The following DAB1 variants were observed in gnomAD, a reference collection of about 807,000 sequenced individuals.
The protein encoded by DAB1 is DAB adaptor protein 1.
A neutral mutation model predicts 64.6 loss-of-function variants in DAB1; 15 were observed. That is an observed-to-expected ratio of 0.23 (90% CI 0.16 to 0.36). The LOEUF is 0.36. Among genes scored for constraint, DAB1 ranks in the 10% least tolerant of loss-of-function variants. The pLI is 1.00. For missense variants in DAB1, 596 were observed against 706.7 expected, an observed-to-expected ratio of 0.84 and a Z score of 1.78; for synonymous variants, 235 against 251.9, an observed-to-expected ratio of 0.93 and a Z score of 0.64.
At chr1:58,290,028 C>A (rs1217374407) in intron 4 of DAB1, among the ~76,000 whole-genome samples, 1 of 152,222 alleles carries the variant, frequency 6.6e-6, no homozygotes, top group African/African-American at 2.4e-5. Flanking sequence ...TTTTAAGCTC[C>A]TATCATGTTC....
At chr1:58,536,812 C>T (rs1271473577) in intron 1 of DAB1, 1 of 769,468 alleles carries the variant, frequency 1.3e-6, no homozygotes, top group East Asian at 2.4e-5. Flanking sequence ...CAAATGCATA[C>T]ACTAGAATTT....
chr1:58,048,322 A>T (rs1647379630), intron 5 of DAB1: 5 of 1,119,106 alleles, frequency 4.5e-6, no homozygotes, highest in Non-Finnish European at 6.8e-6. Context: ...TGGGTCCAAA[A>T]TTTGAAAACT....
rs148672367 is a variant in DAB1, at chr1:57,167,224, C to T, written c.68-21795G>A. 7.7e-3 allele frequency among the ~76,000 whole-genome samples: 1,175 copies of T among 152,206 alleles called. 5 individuals carry two copies. The highest frequency in any genetic ancestry group is 0.011 in the Non-Finnish European group (781 of 68,010). ...AATTTGGTTCCATAATCATTACAAA[C>T]GAGACAGCCACAGCAAGACCACTAT... On this transcript the variant is annotated intron_variant, in intron 2 of 14. Coordinates refer to ENST00000371236, the MANE Select transcript of DAB1 (RefSeq NM_001365792.1).
chr1:57,269,550 T>G (rs1211820018), intron 2 of DAB1, among the ~76,000 whole-genome samples: 1 of 152,020 alleles, frequency 6.6e-6, no homozygotes, highest in African/African-American at 2.4e-5. Flanking sequence ...CCTACGTAGG[T>G]ATGTCCAGGG....
At chr1:57,627,974 G>C (rs1277107461) in intron 7 of DAB1, among the ~76,000 whole-genome samples, 1 of 152,162 alleles carries the variant, frequency 6.6e-6, no homozygotes, top group Admixed American at 6.5e-5. Context: ...TTCAGGCCCA[G>C]TTCAATTATT....
chr1:57,491,072 T>A lies in DAB1; in HGVS notation n.625+158520A>T, dbSNP rs1439747609. 4.6e-5 allele frequency among the ~76,000 whole-genome samples: 7 copies of A among 152,222 alleles called. No individual in the cohort carries two copies. In the East Asian group the frequency reaches 1.3e-3, roughly 29 times the overall value. On this transcript the variant is annotated intron_variant and non_coding_transcript_variant, in intron 7 of 20. Coordinates refer to the DAB1 transcript ENST00000485760. The stretch of plus-strand genomic sequence containing the variant: ...TCCCATCTCACTTCACATCTCTCTA[T>A]GAATTTGTAACTCATCTATCTTCAC...
chr1:57,841,900 T>A (rs930932582), intron 1 of DAB1, among the ~76,000 whole-genome samples: 10 of 152,242 alleles, frequency 6.6e-5, no homozygotes, highest in African/African-American at 1.7e-4. Flanking sequence ...TTATGTAAAT[T>A]TCTGCAGGCA....
At chr1:58,273,649 A>G (rs1429003898) in intron 4 of DAB1, among the ~76,000 whole-genome samples, 21 of 44,524 alleles carry the variant, frequency 4.7e-4, no homozygotes, top group African/African-American at 1.4e-3. Context: ...AGGTACACCA[A>G]TCAGACGTAG....
chr1:58,397,731 C>T (rs1010374985), intron 3 of DAB1, among the ~76,000 whole-genome samples: 1 of 152,160 alleles, frequency 6.6e-6, no homozygotes, highest in African/African-American at 2.4e-5. Context: ...AGCTGGTCAC[C>T]TACCCCTTTA....
At chr1:57,760,704 G>A (rs979271634) in intron 6 of DAB1, among the ~76,000 whole-genome samples, 8 of 151,744 alleles carry the variant, frequency 5.3e-5, no homozygotes, top group Non-Finnish European at 1.0e-4. Context: ...GCAGTCTGGG[G>A]TCCAATATTG....
intron 3 of DAB1, among the ~76,000 whole-genome samples, chr1:58,502,660 T>G (rs1458044914): frequency 6.6e-6 from 1 of 152,234 alleles, no homozygotes; most frequent in Admixed American, 6.5e-5. Flanking sequence ...TTCTATATAC[T>G]GCCTGAGAAA....
chr1:57,109,981 C>T (rs955035040), intron 4 of DAB1, among the ~76,000 whole-genome samples: 1 of 152,034 alleles, frequency 6.6e-6, no homozygotes, highest in Non-Finnish European at 1.5e-5. Context: ...TGACAGGCCA[C>T]GGGGACAGGA....
intron 3 of DAB1, among the ~76,000 whole-genome samples, chr1:58,407,217 T>A (rs111246839): frequency 6.6e-6 from 1 of 152,160 alleles, no homozygotes; most frequent in Admixed American, 6.5e-5. Flanking sequence ...TTTGTCAGAT[T>A]TCTGTGCTGC....
intron 4 of DAB1, among the ~76,000 whole-genome samples, chr1:58,325,440 T>C (rs1414032734): frequency 1.3e-5 from 2 of 152,234 alleles, no homozygotes; most frequent in Non-Finnish European, 2.9e-5. Context: ...TTTAAGAATA[T>C]GCAATTTTCC....
chr1:57,551,893 G>C (rs1644918128), intron 7 of DAB1, among the ~76,000 whole-genome samples: 1 of 152,164 alleles, frequency 6.6e-6, no homozygotes, highest in Non-Finnish European at 1.5e-5. Flanking sequence ...GGAGCCATGT[G>C]CTAGGGTTAT....
rs533567894 is a variant in DAB1, at chr1:57,155,265, C to T, written c.68-9836G>A. Among the ~76,000 whole-genome samples the T allele has an allele frequency of 1.8e-3, 281 of 152,244 alleles. 3 individuals are homozygous for T. Among genetic ancestry groups the T allele is most frequent in the African/African-American group, 6.5e-3 (269 of 41,560 alleles). ...ATATGGATATCCAATTTTCTCAGCA[C>T]CATTTATTAGAGAGACTTTTTTTTC... On this transcript the variant is annotated intron_variant, in intron 2 of 14. Coordinates refer to ENST00000371236, the MANE Select transcript of DAB1 (RefSeq NM_001365792.1).
chr1:58,491,423 T>C (rs1479610161), intron 3 of DAB1, among the ~76,000 whole-genome samples: 2 of 152,088 alleles, frequency 1.3e-5, no homozygotes, highest in African/African-American at 2.4e-5. Flanking sequence ...AATATTAACC[T>C]TAAATGTAAA....
intron 4 of DAB1, among the ~76,000 whole-genome samples, chr1:58,194,416 T>C (rs1028636485): frequency 5.3e-5 from 8 of 152,210 alleles, no homozygotes; most frequent in Admixed American, 1.3e-4. Context: ...TAGTTCTCAT[T>C]CTCATAAAAA....
intron 5 of DAB1, among the ~76,000 whole-genome samples, chr1:58,147,955 T>G (rs1654701201): frequency 6.9e-6 from 1 of 143,904 alleles, no homozygotes; most frequent in Non-Finnish European, 1.5e-5. Context: ...AAGCTCATGA[T>G]ATTTTACCAA....
Sources: gnomAD v4.1 joint callset for allele counts (sites outside exome capture counted in the v4.1 genomes callset) on GRCh38, gnomAD v4.1.1 for gene constraint, MANE v1.5 for transcripts, NCBI Gene and HGNC (gene_info 2026-07-23, HGNC 2026-07-21) for gene names.